Variants in VCAN observed in about 807,000 individuals in gnomAD.
VCAN encodes the protein versican.
In VCAN, 44 loss-of-function variants were observed where a neutral mutation model predicts 245.5. That is an observed-to-expected ratio of 0.18 (90% CI 0.14 to 0.23). The LOEUF (loss-of-function observed/expected upper bound fraction) is 0.23. Ranked by LOEUF, VCAN falls within the 10% of genes least tolerant of loss-of-function variation. The pLI is 1.00. For missense variants in VCAN, 3,793 were observed against 4,057.9 expected (o/e 0.93, Z 1.77); for synonymous variants, 1,413 against 1,437.0 (o/e 0.98, Z 0.38).
rs143729093 is a variant in VCAN at position 83,520,201 on chromosome 5, C to A, written c.1895C>A (p.Thr632Lys). ...GAGAGACAAACTAGTGGTAGGATAACGGAAGAGTTTCTTGGCAAATATCTG... is the reference window on the plus strand; with the variant it reads ...GAGAGACAAACTAGTGGTAGGATAAAGGAAGAGTTTCTTGGCAAATATCTG... Reference protein sequence around the residue: ...WEERQTSGRITEEFLGKYLST... With the variant: ...WEERQTSGRIKEEFLGKYLST... Residue 632 changes from threonine to lysine, a missense_variant, in exon 7 of 15, where the codon ACG becomes AAG. Physicochemically the swap from Thr to Lys is moderately conservative, Grantham distance 78. This residue lies in a region of VCAN where 3,182 missense variants were observed against 3,250.3 expected (regional missense o/e 0.98). Coordinates refer to ENST00000265077, the MANE Select transcript of VCAN (RefSeq NM_004385.5). The A allele has an allele frequency of 1.9e-6, 3 of 1,614,008 alleles. No homozygotes were observed. The South Asian group carries it at 3.3e-5, about 18-fold the overall frequency.
chr5:83,512,088 T>C lies in VCAN; in HGVS notation c.749-15T>C. On this transcript the variant is annotated splice_polypyrimidine_tract_variant and intron_variant, in intron 5 of 14. Transcript: ENST00000265077. ...AATAAAACTTTGGGCTTTTTTTCCCTTCTTTTTTTTCCAGGTGATGTGTTC... is the reference window on the plus strand; with the variant it reads ...AATAAAACTTTGGGCTTTTTTTCCCCTCTTTTTTTTCCAGGTGATGTGTTC... The C allele has an allele frequency of 6.2e-7, 1 of 1,613,268 alleles. No individual in the cohort carries two copies. Among genetic ancestry groups the C allele is most frequent in the Non-Finnish European group, 8.5e-7 (1 of 1,179,356 alleles).
At chr5:83,542,400 GC>G in intron 8 of VCAN, 132 bp downstream of exon 8, 1 of 983,490 alleles carries the variant, frequency 1.0e-6, no homozygotes, top group Non-Finnish European at 1.6e-6. Flanking sequence ...ATAACAGCAG[GC>G]CAGGCCACAG....
rs1344714550 is a variant in VCAN at position 83,538,336 on chromosome 5, C to T, written c.5333C>T (p.Thr1778Ile). 2 of 1,614,046 alleles carry T rather than the reference C, an allele frequency of 1.2e-6. No individual in the cohort carries two copies. The highest frequency in any genetic ancestry group is 2.2e-5 in the South Asian group (2 of 91,090). Residue 1778 changes from threonine (T) to isoleucine (I), a missense_variant, in exon 8 of 15, where the codon ACA becomes ATA. This residue lies in a region of VCAN where 3,182 missense variants were observed against 3,250.3 expected (regional missense o/e 0.98). Transcript: ENST00000265077. ...GTRKSFMSLT[T>I]PTQSEREMTD... The stretch of plus-strand genomic sequence containing the variant: ...AGGAAAAGTTTTATGTCCTTGACAA[C>T]ACCAACACAGTCTGAAAGGGAAATG...
At position 83,540,787 on chromosome 5, in the gene VCAN, C is replaced by T; in HGVS notation, c.7784C>T (p.Thr2595Ile). ...TATGAAGACATTCTTGGAATGCAAA[C>T]AGATATAGATACAGAGGTACCATCA... is the stretch of plus-strand genomic sequence containing the variant. ...PVYEDILGMQ[T>I]DIDTEVPSEP... Residue 2595 changes from threonine (T) to isoleucine (I), a missense_variant, in exon 8 of 15, where the codon ACA (threonine) becomes ATA (isoleucine). This residue lies in a region of VCAN where 3,182 missense variants were observed against 3,250.3 expected (regional missense o/e 0.98). Coordinates refer to ENST00000265077, the MANE Select transcript of VCAN (RefSeq NM_004385.5). The T allele has an allele frequency of 6.2e-7, 1 of 1,613,842 alleles. No homozygotes were observed. Among genetic ancestry groups the T allele is most frequent in the South Asian group, 1.1e-5 (1 of 91,062 alleles).
chr5:83,564,772 A>T (rs540456828), intron 12 of VCAN, among the ~76,000 whole-genome samples: 7 of 151,056 alleles, frequency 4.6e-5, no homozygotes, highest in African/African-American at 1.7e-4. Flanking sequence ...CAAGAGAAAA[A>T]CTCCCAAATT....
At chr5:83,491,880 A>C (rs539812237) in intron 3 of VCAN, among the ~76,000 whole-genome samples, 2 of 152,338 alleles carry the variant, frequency 1.3e-5, no homozygotes, top group South Asian at 4.1e-4. Flanking sequence ...AGCTTTGATC[A>C]ACATTAAACT....
intron 1 of VCAN, among the ~76,000 whole-genome samples, chr5:83,478,729 A>G (rs1744487098): frequency 1.3e-5 from 2 of 152,246 alleles, no homozygotes; most frequent in Admixed American, 1.3e-4. Context: ...ACATCTAATT[A>G]TGTAAAATGG....
At chr5:83,488,113 G>A (rs1282484260) in intron 2 of VCAN, among the ~76,000 whole-genome samples, 2 of 152,012 alleles carry the variant, frequency 1.3e-5, no homozygotes, top group African/African-American at 2.4e-5. Context: ...ATATAAATTT[G>A]GAGATTTTTA....
chr5:83,540,642 C>G lies in VCAN; in HGVS notation c.7639C>G (p.Leu2547Val). 1 of 1,613,720 alleles carries G rather than the reference C, an allele frequency of 6.2e-7. No homozygotes were observed. The highest frequency in any genetic ancestry group is 1.3e-5 in the African/African-American group (1 of 74,966). Residue 2547 changes from leucine (L) to valine (V), a missense_variant, in exon 8 of 15, where the codon CTG (leucine) becomes GTG (valine). Leu to Val is a conservative substitution (Grantham distance 32). Transcript: ENST00000265077. ...KKPTENIIIDLDKEDKDLILT... is the reference protein window; with the variant it reads ...KKPTENIIIDVDKEDKDLILT... ...ACCCACTGAAAATATTATCATAGAC[C>G]TGGACAAAGAGGACAAGGATTTAAT...
intron 11 of VCAN, 50 bp from the exon 12 acceptor site, chr5:83,554,906 C>T: frequency 6.6e-7 from 1 of 1,522,132 alleles, no homozygotes; most frequent in Non-Finnish European, 9.1e-7. Context: ...ATATTTTCAT[C>T]CATATATGGA....
At chr5:83,513,293 G>A (rs762040759) in intron 6 of VCAN, among the ~76,000 whole-genome samples, 3 of 152,224 alleles carry the variant, frequency 2.0e-5, no homozygotes, top group South Asian at 4.1e-4. Flanking sequence ...AGGTTATGTT[G>A]AAACAAATTT....
At chr5:83,567,005 T>A (rs1265557293) in intron 12 of VCAN, among the ~76,000 whole-genome samples, 1 of 152,128 alleles carries the variant, frequency 6.6e-6, no homozygotes, top group East Asian at 1.9e-4. Flanking sequence ...GTTTTTTGAA[T>A]CATTTTATTA....
Position 83,490,469 on chromosome 5 carries a change from GATGGT to G in VCAN, c.444_445+3del. On this transcript the variant is annotated splice_donor_variant and coding_sequence_variant, in exon 3 of 15. Transcript: ENST00000265077. LOFTEE classifies it high-confidence loss of function. ...ACAAGACACGGTGTCACTGACTGTG[GATGGT>G]AAGGCTTTTATTATCTGCAAGAAGG... is the stretch of plus-strand genomic sequence containing the variant. The G allele has an allele frequency of 6.2e-7, 1 of 1,614,006 alleles. No individual in the cohort carries two copies. The highest frequency in any genetic ancestry group is 8.5e-7 in the Non-Finnish European group (1 of 1,180,020).
chr5:83,548,429 C>T lies in VCAN; in HGVS notation c.9493+345C>T, dbSNP rs531416529. On this transcript the variant is annotated intron_variant, in intron 10 of 14. Coordinates refer to ENST00000265077, the MANE Select transcript of VCAN (RefSeq NM_004385.5). ...ATATTAGCTGTTTTTATTTTCTCCT[C>T]CTAAGCACTTGAGACTCAATGGACT... 4.6e-5 allele frequency among the ~76,000 whole-genome samples: 7 copies of T among 152,300 alleles called. No individual in the cohort carries two copies. The South Asian group carries it at 1.5e-3, about 32-fold the overall frequency.
intron 7 of VCAN, among the ~76,000 whole-genome samples, chr5:83,527,433 C>T (rs1362480854): frequency 6.6e-6 from 1 of 152,138 alleles, no homozygotes; most frequent in South Asian, 2.1e-4. Context: ...AATGGCTTCC[C>T]CCATCTCTCA....
chr5:83,538,857 G>A lies in VCAN; in HGVS notation c.5854G>A (p.Glu1952Lys). Residue 1952 changes from glutamate to lysine, a missense_variant, in exon 8 of 15, where the codon GAA (glutamate) becomes AAA (lysine). Physicochemically the swap from Glu to Lys is moderately conservative, Grantham distance 56 (BLOSUM62 1). This residue lies in a region of VCAN where 3,182 missense variants were observed against 3,250.3 expected (regional missense o/e 0.98). Coordinates refer to ENST00000265077, the MANE Select transcript of VCAN (RefSeq NM_004385.5). ...AGTGTCTCATCCCATAGCAAAAGAA[G>A]AAACGGTAATGATGGAAGGCTCTGG... Reference protein sequence around the residue: ...STVSHPIAKEETVMMEGSGDA... With the variant: ...STVSHPIAKEKTVMMEGSGDA... 6.2e-7 allele frequency: 1 copy of A among 1,614,000 alleles called. No homozygotes were observed. The highest frequency in any genetic ancestry group is 8.5e-7 in the Non-Finnish European group (1 of 1,179,950).
intron 7 of VCAN, among the ~76,000 whole-genome samples, chr5:83,525,254 T>G (rs999481805): frequency 9.2e-5 from 14 of 152,038 alleles, no homozygotes; most frequent in Non-Finnish European, 1.8e-4. Context: ...TTAACAGTGG[T>G]TCAGGGGATA....
Position 83,549,412 on chromosome 5 carries a change from G to T in VCAN, c.9493+1328G>T, listed in dbSNP as rs1747371698. On this transcript the variant is annotated intron_variant, in intron 10 of 14. Transcript: ENST00000265077. ...CATAGCATTTCTATGCATTCAGTGGGCTAGAAATTAAGGCTCAGAGAAAAA... is the reference window on the plus strand; with the variant it reads ...CATAGCATTTCTATGCATTCAGTGGTCTAGAAATTAAGGCTCAGAGAAAAA... Among the ~76,000 whole-genome samples, 3 of 152,108 alleles carry T rather than the reference G, an allele frequency of 2.0e-5. No homozygotes were observed. The South Asian group carries it at 6.2e-4, about 32-fold the overall frequency.
chr5:83,530,917 G>A (rs1038476278), intron 7 of VCAN, among the ~76,000 whole-genome samples: 9 of 152,042 alleles, frequency 5.9e-5, no homozygotes, highest in Non-Finnish European at 1.0e-4. Flanking sequence ...ATTAAAAATC[G>A]TGTTCCTTAG....
Sources: gnomAD v4.1 joint callset for allele counts (sites outside exome capture counted in the v4.1 genomes callset) on GRCh38, gnomAD v4.1.1 for gene constraint, gnomAD v4.1.1 regional missense constraint, MANE v1.5 for transcripts, NCBI Gene and HGNC (gene_info 2026-07-23, HGNC 2026-07-21) for gene names.